Variants in GRN observed in about 807,000 individuals in gnomAD.
The protein encoded by GRN is granulin precursor, also known as progranulin.
GRN carries 30 observed loss-of-function variants against 66.7 expected under a neutral mutation model. That is an observed-to-expected ratio of 0.45 (90% CI 0.34 to 0.61). The LOEUF (loss-of-function observed/expected upper bound fraction) is 0.61, where lower values mean the gene tolerates loss of function less well. Among genes scored for constraint, GRN ranks in the 20% least tolerant of loss-of-function variants. The pLI is 0.01. For missense variants in GRN, 731 were observed against 803.5 expected (o/e 0.91, Z 1.09); for synonymous variants, 327 against 311.1 (o/e 1.05, Z -0.54).
At position 44,352,944 on chromosome 17, in the gene GRN, T is replaced by TA. The variant is rs2048393726; in HGVS notation, c.*148dup. On this transcript the variant is annotated 3_prime_UTR_variant, in exon 13 of 13. Coordinates refer to ENST00000053867, the MANE Select transcript of GRN (RefSeq NM_002087.4). ...CACCATGGGAGGTGGGGCCTCAATCTAAGGCCTTCCCTGTCAGAAGGGGGT... is the reference window on the plus strand; with the variant it reads ...CACCATGGGAGGTGGGGCCTCAATCTAAAGGCCTTCCCTGTCAGAAGGGGGT... 1.3e-6 allele frequency: 1 copy of TA among 782,696 alleles called. No individual in the cohort carries two copies. The highest frequency in any genetic ancestry group is 2.1e-5 in the Admixed American group (1 of 46,950). 48.5% of individuals were successfully genotyped at this position (782,696 alleles called of 1,614,324 possible).
At position 44,352,019 on chromosome 17, in the gene GRN, T is replaced by G. The variant is rs1208488818; in HGVS notation, c.1184T>G (p.Val395Gly). The G allele has an allele frequency of 6.2e-7, 1 of 1,612,110 alleles. No individual in the cohort carries two copies. The highest frequency in any genetic ancestry group is 8.5e-7 in the Non-Finnish European group (1 of 1,179,022). Residue 395 changes from valine (V) to glycine (G), a missense_variant, in exon 11 of 13, where the codon GTC (valine) becomes GGC (glycine). Val to Gly is a moderately radical substitution (Grantham distance 109). Around this residue, in one of 3 missense-constraint regions of GRN, gnomAD observed 319 missense variants for 347.2 expected, o/e 0.92. Coordinates refer to ENST00000053867, the MANE Select transcript of GRN (RefSeq NM_002087.4). ...CCTTTCCTGCCCACCCCCCAGGCTGTCTGCTGCTCGGACCACCAGCACTGC... is the reference window on the plus strand; with the variant it reads ...CCTTTCCTGCCCACCCCCCAGGCTGGCTGCTGCTCGGACCACCAGCACTGC... ...EWGCCPIPEA[V>G]CCSDHQHCCP...
chr17:44,345,930 G>A (rs2048323541), intron 1 of GRN, among the ~76,000 whole-genome samples: 1 of 152,190 alleles, frequency 6.6e-6, no homozygotes, highest in South Asian at 2.1e-4. Flanking sequence ...CCACCTAGTG[G>A]AAGATAACGG....
chr17:44,352,271 CT>C, intron 11 of GRN, 23 bp downstream of exon 11: 1 of 1,603,296 alleles, frequency 6.2e-7, no homozygotes, highest in Non-Finnish European at 8.5e-7. Context: ...CTGCCTGCCC[CT>C]GGATAGGGGA....
chr17:44,348,005 G>C (rs2048338348), intron 1 of GRN, among the ~76,000 whole-genome samples: 2 of 151,820 alleles, frequency 1.3e-5, no homozygotes, highest in African/African-American at 4.8e-5. Flanking sequence ...GGAGGCCAAG[G>C]TTGGAGGATT....
rs777704177 is a variant in GRN, at chr17:44,350,757, G to A, written c.665G>A (p.Cys222Tyr). 3.7e-6 allele frequency: 6 copies of A among 1,614,026 alleles called. No homozygotes were observed. The highest frequency in any genetic ancestry group is 1.7e-5 in the Admixed American group (1 of 60,026). The part of the protein sequence containing the change: ...RSRCPDGSTC[C>Y]ELPSGKYGCC... ...CGGTGCCCTGATGGTTCTACCTGCT[G>A]TGAGCTGCCCAGTGGGAAGTATGGC... The change falls in exon 7 of 13, where the codon TGT becomes TAT. Residue 222 changes from cysteine (C) to tyrosine (Y), a missense_variant. Cys to Tyr is a radical substitution (Grantham distance 194). This residue lies in a region of GRN where 370 missense variants were observed against 379.8 expected (regional missense o/e 0.97). Coordinates refer to ENST00000053867, the MANE Select transcript of GRN (RefSeq NM_002087.4).
At position 44,345,347 on chromosome 17, in the gene GRN, C is replaced by T. The variant is rs1001032652; in HGVS notation, c.-8+13C>T. ...GAGTCGGACGCAGGTAGGAGAGCGG[C>T]CGCGCAGACCTCTCGCCTGCTCCTG... On this transcript the variant is annotated intron_variant, in intron 1 of 12. Coordinates refer to ENST00000053867, the MANE Select transcript of GRN (RefSeq NM_002087.4). 1.4e-5 allele frequency: 2 copies of T among 147,308 alleles called. No homozygotes were observed. Among genetic ancestry groups the T allele is most frequent in the Non-Finnish European group, 3.0e-5 (2 of 67,190 alleles). 9.1% of individuals were successfully genotyped at this position (147,308 alleles called of 1,614,324 possible).
intron 1 of GRN, among the ~76,000 whole-genome samples, chr17:44,346,456 CACAG>C (rs368314537): frequency 1.6e-3 from 243 of 152,274 alleles, no homozygotes; most frequent in African/African-American, 5.5e-3. Flanking sequence ...GTAACTGAGG[CACAG>C]ACAGAGAGCA....
intron 7 of GRN, 49 bp downstream of exon 7, chr17:44,350,849 G>T (rs745371277): frequency 6.8e-7 from 1 of 1,472,750 alleles, no homozygotes; most frequent in East Asian, 2.3e-5. Context: ...CAGCCACCTG[G>T]CCCTGACACG....
chr17:44,351,663 A>AG lies in GRN; in HGVS notation c.1048dup (p.Ala350GlyfsTer18). 1 of 1,614,082 alleles carries AG rather than the reference A, an allele frequency of 6.2e-7. No homozygotes were observed. The highest frequency in any genetic ancestry group is 8.5e-7 in the Non-Finnish European group (1 of 1,179,992). On this transcript the variant is annotated frameshift_variant, in exon 10 of 13. Transcript: ENST00000053867. LOFTEE classifies it high-confidence loss of function. The stretch of plus-strand genomic sequence containing the variant: ...AGGTGCCCTGGATGGAGAAGGCCCC[A>AG]GCTCACCTCAGCCTGCCAGACCCAC...
intron 7 of GRN, 35 bp downstream of exon 7, chr17:44,350,835 C>T: frequency 6.6e-7 from 1 of 1,517,546 alleles, no homozygotes; most frequent in Non-Finnish European, 9.2e-7. Flanking sequence ...TGGCTGTGTG[C>T]CCCCAGCCAC....
In GRN at chr17:44,352,209, G is replaced by A. The variant is rs780844774; in HGVS notation, c.1374G>A (p.Pro458=). Residue 458 remains proline, a synonymous_variant, in exon 11 of 13, where the codon CCG becomes CCA. Coordinates refer to ENST00000053867, the MANE Select transcript of GRN (RefSeq NM_002087.4). ...TSCPVGQTCC[P]SLGGSWACCQ... Reference sequence around the variant, plus strand: ...GCCCGGTGGGGCAGACCTGCTGCCCGAGCCTGGGTGGGAGCTGGGCCTGCT... The same window carrying A: ...GCCCGGTGGGGCAGACCTGCTGCCCAAGCCTGGGTGGGAGCTGGGCCTGCT... 13 of 1,612,820 alleles carry A rather than the reference G, an allele frequency of 8.1e-6. No individual in the cohort carries two copies. Among genetic ancestry groups the A allele is most frequent in the East Asian group, 2.2e-5 (1 of 44,882 alleles).
chr17:44,346,738 C>T (rs2048328842), intron 1 of GRN, among the ~76,000 whole-genome samples: 1 of 152,140 alleles, frequency 6.6e-6, no homozygotes, highest in African/African-American at 2.4e-5. Context: ...GTGCTCAAGC[C>T]CCTGAGATAA....
rs2048372954 is a variant in GRN at position 44,351,427 on chromosome 17, G to A, written c.900G>A (p.Gln300=). The change falls in exon 9 of 13, where the codon CAG becomes CAA. Residue 300 remains glutamine (Q), a synonymous_variant. Transcript: ENST00000053867. Reference sequence around the variant, plus strand: ...ATGGCTATACCTGCTGCCGTCTACAGTCGGGGGCCTGGGGCTGCTGCCCTT... The same window carrying A: ...ATGGCTATACCTGCTGCCGTCTACAATCGGGGGCCTGGGGCTGCTGCCCTT... The part of the protein sequence containing the change: ...CPDGYTCCRL[Q]SGAWGCCPFT... 4 of 1,613,804 alleles carry A rather than the reference G, an allele frequency of 2.5e-6. No individual in the cohort carries two copies. Among genetic ancestry groups the A allele is most frequent in the East Asian group, 2.2e-5 (1 of 44,878 alleles).
At chr17:44,350,025 C>A (rs961587520) in intron 4 of GRN, 2 of 664,018 alleles carry the variant, frequency 3.0e-6, no homozygotes, top group Non-Finnish European at 5.5e-6. Flanking sequence ...AGTGGGTGCC[C>A]CTTCCCCATG....
Position 44,349,648 on chromosome 17 carries a change from G to T in GRN, c.265-19G>T. 1 of 1,612,682 alleles carries T rather than the reference G, an allele frequency of 6.2e-7. No individual in the cohort carries two copies. Among genetic ancestry groups the T allele is most frequent in the Non-Finnish European group, 8.5e-7 (1 of 1,178,728 alleles). The stretch of plus-strand genomic sequence containing the variant: ...AGATAAAAGGGCCCTGCCAATGCAG[G>T]TTTCTCTGTGTTCCACAGGCCGTGG... On this transcript the variant is annotated intron_variant, in intron 3 of 12. Transcript: ENST00000053867.
intron 1 of GRN, 133 bp from the exon 2 acceptor site, chr17:44,349,025 G>A (rs2048345962): frequency 2.1e-6 from 2 of 942,050 alleles, no homozygotes; most frequent in Non-Finnish European, 3.4e-6. Flanking sequence ...TGCCTGCCTG[G>A]ACAGGGAGGT....
In GRN at chr17:44,349,152, T is replaced by G; in HGVS notation, c.-7-6T>G. ...CAGTTGCCAGACGTTCCTTGGTACT[T>G]TGCAGGCAGACCATGTGGACCCTGG... On this transcript the variant is annotated splice_region_variant and splice_polypyrimidine_tract_variant and intron_variant, in intron 1 of 12. Coordinates refer to ENST00000053867, the MANE Select transcript of GRN (RefSeq NM_002087.4). 1 of 1,613,990 alleles carries G rather than the reference T, an allele frequency of 6.2e-7. No individual in the cohort carries two copies. The highest frequency in any genetic ancestry group is 8.5e-7 in the Non-Finnish European group (1 of 1,179,988).
chr17:44,350,499 G>T lies in GRN; in HGVS notation c.520G>T (p.Val174Phe). ...CCPHGAFCDL[V>F]HTRCITPTGT... ...TCCGCACGGTGCCTTCTGCGACCTG[G>T]TTCACACCCGCTGCATCACACCCAC... The change falls in exon 6 of 13, where the codon GTT becomes TTT. Residue 174 changes from valine to phenylalanine, a missense_variant. Around this residue, in one of 3 missense-constraint regions of GRN, gnomAD observed 370 missense variants for 379.8 expected, o/e 0.97. Coordinates refer to ENST00000053867, the MANE Select transcript of GRN (RefSeq NM_002087.4). The T allele has an allele frequency of 6.2e-7, 1 of 1,613,944 alleles. No individual in the cohort carries two copies. The highest frequency in any genetic ancestry group is 8.5e-7 in the Non-Finnish European group (1 of 1,179,962).
Position 44,350,530 on chromosome 17 carries a change from C to G in GRN, c.551C>G (p.Thr184Ser). ...VHTRCITPTG[T>S]HPLAKKLPAQ... ...ACCCGCTGCATCACACCCACGGGCA[C>G]CCACCCCCTGGCAAAGAAGCTCCCT... The change falls in exon 6 of 13, where the codon ACC becomes AGC. Residue 184 changes from threonine (T) to serine (S), a missense_variant. Around this residue, in one of 3 missense-constraint regions of GRN, gnomAD observed 370 missense variants for 379.8 expected, o/e 0.97. Coordinates refer to ENST00000053867, the MANE Select transcript of GRN (RefSeq NM_002087.4). 1 of 1,613,966 alleles carries G rather than the reference C, an allele frequency of 6.2e-7. No individual in the cohort carries two copies.
Sources: gnomAD v4.1 joint callset for allele counts (sites outside exome capture counted in the v4.1 genomes callset) on GRCh38, gnomAD v4.1.1 for gene constraint, gnomAD v4.1.1 regional missense constraint, MANE v1.5 for transcripts, NCBI Gene and HGNC (gene_info 2026-07-23, HGNC 2026-07-21) for gene names.